DSCAM: variants seen among roughly 807,000 people sequenced by gnomAD.
The protein encoded by DSCAM is DS cell adhesion molecule.
A neutral mutation model predicts 217.7 loss-of-function variants in DSCAM; 47 were observed. The ratio of observed to expected loss-of-function variants is 0.22; its 90% CI spans 0.17 to 0.28. The LOEUF (loss-of-function observed/expected upper bound fraction) is 0.28. DSCAM is among the 10% of genes least tolerant of loss of function. The probability of loss-of-function intolerance (pLI) is 1.00; values close to 1 mark genes in which losing one functional copy is unlikely to be tolerated. For synonymous variants in DSCAM, 1,056 were observed against 1,015.3 expected, an observed-to-expected ratio of 1.04 and a Z score of -0.76; for missense variants, 2,080 against 2,618.3, an observed-to-expected ratio of 0.79 and a Z score of 4.49.
At chr21:40,584,430 C>T (rs2076928489) in intron 3 of DSCAM, among the ~76,000 whole-genome samples, 1 of 152,218 alleles carries the variant, frequency 6.6e-6, no homozygotes, top group Non-Finnish European at 1.5e-5. Flanking sequence ...ACTTTCATCT[C>T]AGAAGCGTCG....
At chr21:40,315,444 A>C (rs931261101) in intron 8 of DSCAM, among the ~76,000 whole-genome samples, 1 of 152,030 alleles carries the variant, frequency 6.6e-6, no homozygotes, top group South Asian at 2.1e-4. Context: ...GTTGTAAATA[A>C]TTGTAAAGTA....
At chr21:40,321,469 CTTT>C (rs35928747) in intron 8 of DSCAM, among the ~76,000 whole-genome samples, 1 of 152,170 alleles carries the variant, frequency 6.6e-6, no homozygotes, top group Non-Finnish European at 1.5e-5. Flanking sequence ...TTGTGCATTT[CTTT>C]TTGTGTCCAG....
chr21:40,721,785 T>G (rs575194262), intron 1 of DSCAM, among the ~76,000 whole-genome samples: 1 of 152,192 alleles, frequency 6.6e-6, no homozygotes, highest in South Asian at 2.1e-4. Context: ...TTTCAAACTT[T>G]AATGAACACT....
At chr21:40,705,975 T>C (rs1466958582) in intron 2 of DSCAM, among the ~76,000 whole-genome samples, 2 of 152,018 alleles carry the variant, frequency 1.3e-5, no homozygotes, top group African/African-American at 4.8e-5. Flanking sequence ...GGTCAGGAGA[T>C]GGAGACCATC....
At chr21:40,671,632 T>A (rs1164954246) in intron 3 of DSCAM, among the ~76,000 whole-genome samples, 3 of 137,992 alleles carry the variant, frequency 2.2e-5, no homozygotes. Flanking sequence ...GAGGTTGCAG[T>A]GAGCCGAGAT....
intron 1 of DSCAM, among the ~76,000 whole-genome samples, chr21:40,716,134 A>G (rs564180179): frequency 3.3e-5 from 5 of 152,356 alleles, no homozygotes; most frequent in East Asian, 1.9e-4. Flanking sequence ...AGAATTTTAC[A>G]TTAGTCTTTC....
intron 11 of DSCAM, among the ~76,000 whole-genome samples, chr21:40,256,404 C>CAGAGAGAGAGAGAGAGAG (rs148333628): frequency 6.2e-4 from 91 of 147,772 alleles, no homozygotes; most frequent in African/African-American, 2.0e-3. Flanking sequence ...GAGAGACAGA[C>CAGAGAGAGAGAGAGAGAG]AGAGAGAGAG....
At chr21:40,447,103 G>A (rs560318538) in intron 3 of DSCAM, among the ~76,000 whole-genome samples, 1 of 152,276 alleles carries the variant, frequency 6.6e-6, no homozygotes, top group Admixed American at 6.5e-5. Flanking sequence ...TTCCCTAGCA[G>A]CACAGGGGTC....
At chr21:40,201,394 T>C (rs1568996916) in intron 11 of DSCAM, among the ~76,000 whole-genome samples, 1 of 151,918 alleles carries the variant, frequency 6.6e-6, no homozygotes, top group Admixed American at 6.6e-5. Flanking sequence ...TTTTTCCATC[T>C]GTCTGGTTCT....
At chr21:40,656,705 T>C (rs1333381273) in intron 3 of DSCAM, among the ~76,000 whole-genome samples, 3 of 152,172 alleles carry the variant, frequency 2.0e-5, no homozygotes, top group Non-Finnish European at 4.4e-5. Context: ...ATGGTGGCAA[T>C]GTAAAGGCTG....
intron 3 of DSCAM, among the ~76,000 whole-genome samples, chr21:40,389,525 A>G (rs964103509): frequency 1.3e-5 from 2 of 152,212 alleles, no homozygotes; most frequent in African/African-American, 2.4e-5. Context: ...GTCCAGGTAT[A>G]TTGATTAAAT....
At chr21:40,189,493 G>C (rs1308059518) in intron 11 of DSCAM, among the ~76,000 whole-genome samples, 1 of 152,182 alleles carries the variant, frequency 6.6e-6, no homozygotes, top group East Asian at 1.9e-4. Context: ...CCTGTTGAGG[G>C]CTATGGCCTA....
At chr21:40,207,804 G>T (rs2091142465) in intron 11 of DSCAM, among the ~76,000 whole-genome samples, 2 of 152,136 alleles carry the variant, frequency 1.3e-5, no homozygotes, top group Admixed American at 6.5e-5. Flanking sequence ...TGTTGACAGG[G>T]TTGATTCCTC....
chr21:40,075,328 G>A, intron 26 of DSCAM, 115 bp from the exon 27 acceptor site: 1 of 1,156,666 alleles, frequency 8.6e-7, no homozygotes, highest in Middle Eastern at 2.1e-4. Context: ...TGGAGGTGAT[G>A]AGAAATGAAA....
rs75674775 is a variant in DSCAM, at chr21:40,662,184, A to G, written c.508+30626T>C. On this transcript the variant is annotated intron_variant, in intron 3 of 32. Transcript: ENST00000400454. Reference sequence around the variant, plus strand: ...TGAAAAGACAGAAGCACTAGAATTTATAAGCATTGATGATTATGTAAGAAA... The same window carrying G: ...TGAAAAGACAGAAGCACTAGAATTTGTAAGCATTGATGATTATGTAAGAAA... Among the ~76,000 whole-genome samples the G allele has an allele frequency of 7.0e-3, 1,059 of 152,354 alleles. 13 individuals are homozygous for G. Among genetic ancestry groups the G allele is most frequent in the Non-Finnish European group, 0.012 (844 of 68,036 alleles).
At chr21:40,578,576 G>A (rs913487121) in intron 3 of DSCAM, among the ~76,000 whole-genome samples, 1 of 152,196 alleles carries the variant, frequency 6.6e-6, no homozygotes, top group Non-Finnish European at 1.5e-5. Flanking sequence ...GGCCACTGGA[G>A]CCAGCAGCAG....
intron 3 of DSCAM, among the ~76,000 whole-genome samples, chr21:40,549,789 A>G (rs2076614816): frequency 6.6e-6 from 1 of 152,196 alleles, no homozygotes; most frequent in Admixed American, 6.5e-5. Context: ...GCTGTGGTGA[A>G]ATGGTGGTGA....
At chr21:40,013,758 G>A (rs2088106071) in intron 32 of DSCAM, among the ~76,000 whole-genome samples, 1 of 152,188 alleles carries the variant, frequency 6.6e-6, no homozygotes, top group African/African-American at 2.4e-5. Context: ...GCATGTGATT[G>A]GAAGTACAGG....
intron 11 of DSCAM, among the ~76,000 whole-genome samples, chr21:40,197,398 G>A (rs9984874): frequency 0.44 from 66,442 of 151,632 alleles, 14,555 homozygotes; most frequent in South Asian, 0.48. Flanking sequence ...GATTACAGGC[G>A]TGAGCCACCG....
Sources: gnomAD v4.1 joint callset for allele counts (sites outside exome capture counted in the v4.1 genomes callset) on GRCh38, gnomAD v4.1.1 for gene constraint, MANE v1.5 for transcripts, NCBI Gene and HGNC (gene_info 2026-07-23, HGNC 2026-07-21) for gene names.